The following NIBAN1 variants were observed in gnomAD, a reference collection of about 807,000 sequenced individuals.
NIBAN1 encodes the protein protein Niban 1.
NIBAN1 carries 81 observed loss-of-function variants against 75.1 expected under a neutral mutation model. That is an observed-to-expected ratio of 1.08 (90% confidence interval 0.90 to 1.30). NIBAN1 has a LOEUF of 1.30. NIBAN1 is among the 50% of genes most tolerant of loss of function. NIBAN1 has a pLI of 0.00. For missense variants in NIBAN1, 1,133 were observed against 1,128.1 expected (o/e 1.00, Z -0.06); for synonymous variants, 436 against 424.8 (o/e 1.03, Z -0.32).
chr1:184,867,327 A>C (rs1242172505), intron 5 of NIBAN1, among the ~76,000 whole-genome samples: 1 of 152,168 alleles, frequency 6.6e-6, no homozygotes, highest in Non-Finnish European at 1.5e-5. Context: ...CCCTCTGTGC[A>C]TGTTAAGCTT....
rs1396385923 is a variant in NIBAN1, at chr1:184,808,187, G to C, written c.1222C>G (p.Pro408Ala). 1.9e-6 allele frequency: 3 copies of C among 1,614,124 alleles called. No homozygotes were observed. The highest frequency in any genetic ancestry group is 2.2e-5 in the East Asian group (1 of 44,878). The change falls in exon 10 of 14, where the codon CCT becomes GCT. Residue 408 changes from proline (P) to alanine (A), a missense_variant. Physicochemically the swap from Pro to Ala is conservative, Grantham distance 27. Transcript: ENST00000367511. The part of the protein sequence containing the change: ...NLPLHSVKME[P>A]CYTKVNLLHE... ...AGCAGGTTGACTTTAGTATAACAAG[G>C]TTCCATCTTCACGGAATGCAGCGGA...
At chr1:184,856,766 C>A (rs1008427141) in intron 5 of NIBAN1, among the ~76,000 whole-genome samples, 2 of 152,178 alleles carry the variant, frequency 1.3e-5, no homozygotes, top group Non-Finnish European at 2.9e-5. Flanking sequence ...ATTGGATCCC[C>A]GGCACTCTGA....
At chr1:184,909,814 A>T (rs1376828647) in intron 1 of NIBAN1, among the ~76,000 whole-genome samples, 5 of 152,194 alleles carry the variant, frequency 3.3e-5, no homozygotes, top group African/African-American at 1.2e-4. Flanking sequence ...AACAGTTGAA[A>T]ATATAGCTCA....
intron 5 of NIBAN1, among the ~76,000 whole-genome samples, chr1:184,869,656 C>A (rs1032178836): frequency 1.3e-5 from 2 of 152,056 alleles, no homozygotes; most frequent in African/African-American, 4.8e-5. Context: ...ATTCTCCTGC[C>A]TCAGCCTCCT....
intron 5 of NIBAN1, among the ~76,000 whole-genome samples, chr1:184,837,228 G>A (rs1468720756): frequency 6.6e-6 from 1 of 152,140 alleles, no homozygotes; most frequent in East Asian, 1.9e-4. Flanking sequence ...TCGTTCTGTG[G>A]CCCTCAGAAT....
At chr1:184,803,110 G>T (rs1296927923) in intron 12 of NIBAN1, among the ~76,000 whole-genome samples, 1 of 152,176 alleles carries the variant, frequency 6.6e-6, no homozygotes. Context: ...AAACAACATT[G>T]CTGGATTTAA....
chr1:184,795,153 C>T lies in NIBAN1; in HGVS notation c.2611G>A (p.Ala871Thr), dbSNP rs141961108. 1.2e-4 allele frequency: 186 copies of T among 1,614,214 alleles called. 1 individual carries two copies. The Admixed American group carries it at 1.6e-3, about 14-fold the overall frequency. The change falls in exon 14 of 14, where the codon GCG becomes ACG. Residue 871 changes from alanine (A) to threonine (T), a missense_variant. Ala to Thr is a moderately conservative substitution (Grantham distance 58, BLOSUM62 0). Coordinates refer to ENST00000367511, the MANE Select transcript of NIBAN1 (RefSeq NM_052966.4). The stretch of plus-strand genomic sequence containing the variant: ...TTCACACTGGCCGTGGCCTGGGCCG[C>T]GCTGCTTTGCCCTCCCATCTCTTCT... ...EQEEMGGQSS[A>T]AQATASVNAE...
intron 1 of NIBAN1, among the ~76,000 whole-genome samples, chr1:184,957,277 T>C (rs1005157560): frequency 6.6e-6 from 1 of 152,214 alleles, no homozygotes; most frequent in South Asian, 2.1e-4. Flanking sequence ...GAGGAGTATG[T>C]GTAGGACCTT....
At chr1:184,823,078 T>C in intron 8 of NIBAN1, 89 bp downstream of exon 8, 1 of 1,450,484 alleles carries the variant, frequency 6.9e-7, no homozygotes, top group Non-Finnish European at 9.4e-7. Context: ...AGTGTAATTA[T>C]CCTCTGAAAC....
chr1:184,926,886 C>G (rs1657698471), intron 1 of NIBAN1, among the ~76,000 whole-genome samples: 1 of 152,106 alleles, frequency 6.6e-6, no homozygotes, highest in South Asian at 2.1e-4. Context: ...TTTCAAACAG[C>G]CTGTCTTCAA....
chr1:184,905,224 G>T (rs1046765666), intron 1 of NIBAN1, among the ~76,000 whole-genome samples: 11 of 152,062 alleles, frequency 7.2e-5, no homozygotes, highest in African/African-American at 2.7e-4. Flanking sequence ...CCACTCAAAG[G>T]TAGCATGAGT....
intron 1 of NIBAN1, among the ~76,000 whole-genome samples, chr1:184,951,035 G>A (rs1658345261): frequency 6.6e-6 from 1 of 152,176 alleles, no homozygotes; most frequent in Non-Finnish European, 1.5e-5. Flanking sequence ...AACTCCTCAT[G>A]GGAGCATGAA....
Position 184,823,248 on chromosome 1 carries a change from T to C in NIBAN1, c.904A>G (p.Thr302Ala). The change falls in exon 8 of 14, where the codon ACA (threonine) becomes GCA (alanine). Residue 302 changes from threonine (T) to alanine (A), a missense_variant. Physicochemically the swap from Thr to Ala is moderately conservative, Grantham distance 58. Transcript: ENST00000367511. The stretch of plus-strand genomic sequence containing the variant: ...CGGATCGTTCCTTCCAGGCCCTTTG[T>C]CAGAGCTCTGCATTCCTCCTTCAAG... ...SALKEECRALTKGLEGTIRSD... is the reference protein window; with the variant it reads ...SALKEECRALAKGLEGTIRSD... 6.2e-7 allele frequency: 1 copy of C among 1,614,234 alleles called. No individual in the cohort carries two copies. Among genetic ancestry groups the C allele is most frequent in the South Asian group, 1.1e-5 (1 of 91,088 alleles).
chr1:184,803,089 T>C (rs955744994), intron 12 of NIBAN1, among the ~76,000 whole-genome samples: 10 of 152,272 alleles, frequency 6.6e-5, no homozygotes, highest in African/African-American at 2.2e-4. Flanking sequence ...AGTGGTTTCA[T>C]TGATTTCATT....
intron 1 of NIBAN1, among the ~76,000 whole-genome samples, chr1:184,905,574 T>C (rs1474801981): frequency 6.6e-6 from 1 of 152,162 alleles, no homozygotes; most frequent in Non-Finnish European, 1.5e-5. Flanking sequence ...TGCATACATG[T>C]GCCTTCTCTC....
chr1:184,866,629 T>A (rs1292622040), intron 5 of NIBAN1, among the ~76,000 whole-genome samples: 2 of 152,230 alleles, frequency 1.3e-5, no homozygotes, highest in African/African-American at 4.8e-5. Flanking sequence ...CATAAGTTTC[T>A]TAGATTCCTG....
At chr1:184,927,211 C>T (rs1657705555) in intron 1 of NIBAN1, among the ~76,000 whole-genome samples, 1 of 152,060 alleles carries the variant, frequency 6.6e-6, no homozygotes, top group South Asian at 2.1e-4. Flanking sequence ...GGTCTTGATG[C>T]TTGTGGATGT....
At chr1:184,929,351 C>T (rs969476683) in intron 1 of NIBAN1, among the ~76,000 whole-genome samples, 8 of 151,922 alleles carry the variant, frequency 5.3e-5, no homozygotes, top group African/African-American at 1.9e-4. Context: ...TTTATCACAC[C>T]AAAAACCCAA....
intron 6 of NIBAN1, among the ~76,000 whole-genome samples, chr1:184,828,343 T>C (rs1654901892): frequency 6.6e-6 from 1 of 152,170 alleles, no homozygotes; most frequent in Non-Finnish European, 1.5e-5. Flanking sequence ...GTAGAGGGGT[T>C]CAGGACAGGG....
Sources: allele counts gnomAD v4.1 joint callset (sites outside exome capture counted in the v4.1 genomes callset), GRCh38; gene constraint gnomAD v4.1.1; transcripts MANE v1.5; gene names NCBI Gene and HGNC (gene_info 2026-07-23, HGNC 2026-07-21).